SPRED2: variants seen among roughly 807,000 people sequenced by gnomAD.
The protein encoded by SPRED2 is sprouty-related, EVH1 domain-containing protein 2.
A neutral mutation model predicts 43.0 loss-of-function variants in SPRED2; 47 were observed. The observed-to-expected ratio is 1.09, with a 90% CI of 0.87 to 1.40. SPRED2 has a LOEUF of 1.40. Among genes scored for constraint, SPRED2 ranks in the 40% most tolerant of loss-of-function variants. SPRED2 has a pLI of 0.00. For missense variants in SPRED2, 561 were observed against 586.4 expected (o/e 0.96, Z 0.45); for synonymous variants, 225 against 225.7 (o/e 1.00, Z 0.03).
At chr2:65,318,443 A>G in intron 4 of SPRED2, among the ~76,000 whole-genome samples, 1 of 151,622 alleles carries the variant, frequency 6.6e-6, no homozygotes, top group South Asian at 2.1e-4. Flanking sequence ...GCAGCTGGCA[A>G]CCATCTTTAA....
At chr2:65,307,812 T>C (rs931526046), downstream of SPRED2, among the ~76,000 whole-genome samples, 1 of 152,240 alleles carries the variant, frequency 6.6e-6, no homozygotes, top group Non-Finnish European at 1.5e-5. Flanking sequence ...CTTCATTCCA[T>C]GCACCTAGTT....
intron 1 of SPRED2, chr2:65,377,473 C>G (rs1558676127): frequency 7.1e-6 from 3 of 422,984 alleles, no homozygotes; most frequent in South Asian, 3.5e-5. Context: ...TGCCGACCCC[C>G]CAAAGCCTCA....
intron 3 of SPRED2, 71 bp downstream of exon 3, chr2:65,334,534 G>C (rs1673906416): frequency 1.3e-6 from 2 of 1,554,174 alleles, no homozygotes; most frequent in Non-Finnish European, 8.8e-7. Context: ...AATGATGGCA[G>C]ACTATTGGAA....
intron 1 of SPRED2, among the ~76,000 whole-genome samples, chr2:65,415,451 T>A (rs1222922509): frequency 9.1e-5 from 7 of 76,742 alleles, no homozygotes. Flanking sequence ...CAAAGTTTTG[T>A]TAAAAAAAAA....
chr2:65,366,286 T>C (rs2104329815), intron 1 of SPRED2, among the ~76,000 whole-genome samples: 1 of 151,504 alleles, frequency 6.6e-6, no homozygotes, highest in African/African-American at 2.4e-5. Context: ...ATCTTTTAGA[T>C]TCAGGACTTA....
At position 65,375,110 on chromosome 2, in the gene SPRED2, A is replaced by G. The variant is rs72822486; in HGVS notation, c.27-30214T>C. 9.2e-3 allele frequency among the ~76,000 whole-genome samples: 1,394 copies of G among 152,336 alleles called. 6 individuals are homozygous for G. The highest frequency in any genetic ancestry group is 0.011 in the Non-Finnish European group (773 of 68,032). ...GAGAGTAGAGGCCCTTCCTCTGAAG[A>G]ACACATACCCTGGAGTTGGCTGAGA... On this transcript the variant is annotated intron_variant, in intron 1 of 5. Transcript: ENST00000356388.
chr2:65,338,918 G>A (rs1322415439), intron 2 of SPRED2, among the ~76,000 whole-genome samples: 2 of 148,684 alleles, frequency 1.3e-5, no homozygotes, highest in Non-Finnish European at 3.0e-5. Context: ...GCAGCCCATC[G>A]TCTGAGATGT....
At chr2:65,332,519 G>A (rs1197630818) in intron 3 of SPRED2, among the ~76,000 whole-genome samples, 1 of 152,216 alleles carries the variant, frequency 6.6e-6, no homozygotes, top group Non-Finnish European at 1.5e-5. Flanking sequence ...TACCAATGAA[G>A]GCATTTTAGC....
At chr2:65,409,987 A>G (rs1463192573) in intron 1 of SPRED2, among the ~76,000 whole-genome samples, 1 of 150,586 alleles carries the variant, frequency 6.6e-6, no homozygotes, top group African/African-American at 2.4e-5. Flanking sequence ...CCAAGATTGC[A>G]CCACTGTACT....
chr2:65,309,247 A>C (rs1673006445), downstream of SPRED2, among the ~76,000 whole-genome samples: 1 of 152,034 alleles, frequency 6.6e-6, no homozygotes, highest in South Asian at 2.1e-4. Context: ...CATGACTGTA[A>C]TCCTAGCACT....
At position 65,344,809 on chromosome 2, in the gene SPRED2, GA is replaced by G; in HGVS notation, c.113del (p.Ile38ThrfsTer38). 1 of 1,614,178 alleles carries G rather than the reference GA, an allele frequency of 6.2e-7. No homozygotes were observed. The highest frequency in any genetic ancestry group is 1.1e-5 in the South Asian group (1 of 91,076). On this transcript the variant is annotated frameshift_variant, in exon 2 of 6. Transcript: ENST00000356388. LOFTEE classifies it high-confidence loss of function. ...GGWFPQEGGGISRVGVCKVMH... is the reference protein window; with the variant it reads ...GGWFPQEGGGXSRVGVCKVMH... ...TGACCTTACAGACCCCGACGCGACT[GA>G]TCCCGCCTCCTTCCTGTGGGAACCA...
chr2:65,413,607 T>G (rs977089819), intron 1 of SPRED2, among the ~76,000 whole-genome samples: 1 of 152,198 alleles, frequency 6.6e-6, no homozygotes, highest in Non-Finnish European at 1.5e-5. Context: ...CATACCCAAG[T>G]CACCGTGCAA....
At chr2:65,421,160 A>G (rs934648388) in intron 1 of SPRED2, among the ~76,000 whole-genome samples, 1 of 152,154 alleles carries the variant, frequency 6.6e-6, no homozygotes. Flanking sequence ...AGCCATAAAA[A>G]AAGAAAAAAT....
In SPRED2 at chr2:65,311,863, T is replaced by C. The variant is rs576312346; in HGVS notation, c.*1638A>G. Reference sequence around the variant, plus strand: ...CACAGCTAGCACTTTCCCAATATGATTGGCAGACTGGAAAAAAGTCCCTTT... The same window carrying C: ...CACAGCTAGCACTTTCCCAATATGACTGGCAGACTGGAAAAAAGTCCCTTT... On this transcript the variant is annotated 3_prime_UTR_variant, in exon 6 of 6. Transcript: ENST00000356388. The C allele has an allele frequency of 1.0e-6, 1 of 985,390 alleles. No individual in the cohort carries two copies. The highest frequency in any genetic ancestry group is 4.7e-5 in the South Asian group (1 of 21,292). The allele number at this position is 985,390 out of a possible 1,614,324, so 61.0% of individuals were successfully genotyped here. A position where few individuals can be genotyped will look rare whatever the true frequency, so the allele number is the denominator to read the frequency against.
chr2:65,396,825 GC>G (rs1166135036), intron 1 of SPRED2, among the ~76,000 whole-genome samples: 7 of 152,240 alleles, frequency 4.6e-5, no homozygotes, highest in Admixed American at 1.3e-4. Flanking sequence ...AGCCCTCAGT[GC>G]TTCAGTCCTG....
At chr2:65,426,292 G>A (rs1676556100) in intron 1 of SPRED2, among the ~76,000 whole-genome samples, 1 of 152,060 alleles carries the variant, frequency 6.6e-6, no homozygotes, top group African/African-American at 2.4e-5. Context: ...TTCTCAGGAG[G>A]CTTATATATA....
chr2:65,381,815 A>G (rs991423085), intron 1 of SPRED2, among the ~76,000 whole-genome samples: 3 of 152,258 alleles, frequency 2.0e-5, no homozygotes, highest in African/African-American at 7.2e-5. Flanking sequence ...TCTGAAGTCA[A>G]CATGAGACTC....
At chr2:65,367,712 C>A (rs1675014968) in intron 1 of SPRED2, among the ~76,000 whole-genome samples, 1 of 152,172 alleles carries the variant, frequency 6.6e-6, no homozygotes, top group South Asian at 2.1e-4. Flanking sequence ...TTTCCTTATG[C>A]ATTCTCTGAG....
At chr2:65,373,678 C>G (rs955254737) in intron 1 of SPRED2, 3 of 152,234 alleles carry the variant, frequency 2.0e-5, no homozygotes, top group East Asian at 3.8e-4. Flanking sequence ...CAGCATTTTG[C>G]TATGACTTGC....
Sources: allele counts gnomAD v4.1 joint callset (sites outside exome capture counted in the v4.1 genomes callset), GRCh38; gene constraint gnomAD v4.1.1; transcripts MANE v1.5; gene names NCBI Gene and HGNC (gene_info 2026-07-23, HGNC 2026-07-21).